The following GAS7 variants were observed in gnomAD, a reference collection of about 807,000 sequenced individuals.
GAS7 encodes the protein growth arrest-specific protein 7.
Under a neutral mutation model 71.1 loss-of-function variants are expected in GAS7, and 28 were observed. The observed-to-expected ratio is 0.39, with a 90% CI of 0.29 to 0.54. The LOEUF (loss-of-function observed/expected upper bound fraction) is 0.54. GAS7 is among the 20% of genes least tolerant of loss of function. The pLI, the probability that GAS7 is intolerant of heterozygous loss-of-function variation, is 0.62. For missense variants in GAS7, 436 were observed against 627.8 expected (o/e 0.69, Z 3.27); for synonymous variants, 258 against 245.8 (o/e 1.05, Z -0.46).
At position 9,915,353 on chromosome 17, in the gene GAS7, C is replaced by A; in HGVS notation, c.*1875G>T. The A allele has an allele frequency of 4.3e-6, 1 of 231,260 alleles. No individual in the cohort carries two copies. The highest frequency in any genetic ancestry group is 8.6e-6 in the Non-Finnish European group (1 of 116,566). The allele number at this position is 231,260 out of a possible 1,614,324, so 14.3% of individuals were successfully genotyped here. A position where few individuals can be genotyped will look rare whatever the true frequency, so the allele number is the denominator to read the frequency against. ...AGCCACAAAGCAATTACCACTAGCACCCATTTTTCATAAAGAAACCAAGAA... is the reference window on the plus strand; with the variant it reads ...AGCCACAAAGCAATTACCACTAGCAACCATTTTTCATAAAGAAACCAAGAA... On this transcript the variant is annotated 3_prime_UTR_variant, in exon 14 of 14. Transcript: ENST00000432992.
At chr17:9,949,346 CT>C (rs1048579645) in intron 5 of GAS7, among the ~76,000 whole-genome samples, 3 of 152,126 alleles carry the variant, frequency 2.0e-5, no homozygotes, top group Non-Finnish European at 2.9e-5. Context: ...TGCAAAGTGT[CT>C]CCATTTTTAA....
intron 1 of GAS7, among the ~76,000 whole-genome samples, chr17:10,044,475 G>A (rs1354231569): frequency 2.0e-5 from 3 of 152,144 alleles, no homozygotes; most frequent in Non-Finnish European, 4.4e-5. Context: ...GCCATACACA[G>A]TCTGAGTGTT....
At chr17:10,197,798 G>C (rs2074551454) in intron 1 of GAS7, among the ~76,000 whole-genome samples, 1 of 152,214 alleles carries the variant, frequency 6.6e-6, no homozygotes, top group African/African-American at 2.4e-5. Flanking sequence ...TGGAGACGCG[G>C]GGCTGCGGGA....
At chr17:10,062,268 T>C (rs1366282251) in intron 1 of GAS7, among the ~76,000 whole-genome samples, 2 of 152,214 alleles carry the variant, frequency 1.3e-5, no homozygotes, top group Non-Finnish European at 2.9e-5. Context: ...GTGGATTACT[T>C]GAGGTCAGGA....
At chr17:9,917,946 G>A in intron 13 of GAS7, 55 bp downstream of exon 13, 1 of 1,274,978 alleles carries the variant, frequency 7.8e-7, no homozygotes, top group South Asian at 1.2e-5. Flanking sequence ...CTAGCGCCAG[G>A]CGGCTCTCCC....
intron 1 of GAS7, among the ~76,000 whole-genome samples, chr17:10,051,534 G>A (rs1207244590): frequency 6.6e-6 from 1 of 152,124 alleles, no homozygotes; most frequent in Non-Finnish European, 1.5e-5. Flanking sequence ...AGTAACTAAA[G>A]CCATTAGACA....
chr17:9,925,589 G>T lies in GAS7; in HGVS notation c.1025C>A (p.Ala342Asp). 6.2e-7 allele frequency: 1 copy of T among 1,614,136 alleles called. No individual in the cohort carries two copies. Among genetic ancestry groups the T allele is most frequent in the Non-Finnish European group, 8.5e-7 (1 of 1,180,016 alleles). ...CAGGTCTCTCTGCCGCTCTGTGAGG[G>T]CTTTCCGGGCCTGGGGTCCAAGGAC... is the stretch of plus-strand genomic sequence containing the variant. Reference protein sequence around the residue: ...RYASVEKARKALTERQRDLEM... With the variant: ...RYASVEKARKDLTERQRDLEM... The change falls in exon 11 of 14, where the codon GCC becomes GAC. Residue 342 changes from alanine (A) to aspartate (D), a missense_variant. Coordinates refer to ENST00000432992, the MANE Select transcript of GAS7 (RefSeq NM_201433.2).
At position 9,913,868 on chromosome 17, in the gene GAS7, C is replaced by T. The variant is rs1026625873; in HGVS notation, c.*3360G>A. 2 of 231,368 alleles carry T rather than the reference C, an allele frequency of 8.6e-6. No individual in the cohort carries two copies. Among genetic ancestry groups the T allele is most frequent in the Non-Finnish European group, 1.7e-5 (2 of 117,014 alleles). 14.3% of individuals were successfully genotyped at this position (231,368 alleles called of 1,614,324 possible). A position where few individuals can be genotyped will look rare whatever the true frequency, so the allele number is the denominator to read the frequency against. On this transcript the variant is annotated 3_prime_UTR_variant, in exon 14 of 14. Transcript: ENST00000432992. ...TCTTTTTAAATCAGGCTTTCACAAA[C>T]AGATCTTGTGCATCAGTCTCCTGGG... is the stretch of plus-strand genomic sequence containing the variant.
intron 1 of GAS7, among the ~76,000 whole-genome samples, chr17:10,169,249 A>T (rs979457918): frequency 2.6e-5 from 4 of 152,116 alleles, no homozygotes; most frequent in Admixed American, 6.5e-5. Flanking sequence ...CTGGGCAACA[A>T]GAGCAAGACT....
intron 1 of GAS7, among the ~76,000 whole-genome samples, chr17:10,101,480 G>C (rs933467953): frequency 1.3e-5 from 2 of 152,210 alleles, no homozygotes; most frequent in Non-Finnish European, 2.9e-5. Context: ...CACTCAAGGG[G>C]AAGGGATTAC....
intron 1 of GAS7, among the ~76,000 whole-genome samples, chr17:10,101,628 A>G (rs1218257603): frequency 6.6e-6 from 1 of 151,814 alleles, no homozygotes; most frequent in Non-Finnish European, 1.5e-5. Flanking sequence ...TGCACCCCAC[A>G]CTCTGTGACT....
chr17:10,043,631 G>A (rs2072904484), intron 1 of GAS7, among the ~76,000 whole-genome samples: 2 of 152,158 alleles, frequency 1.3e-5, no homozygotes, highest in Non-Finnish European at 2.9e-5. Flanking sequence ...AAAATCATAA[G>A]GGGCCGGGCA....
chr17:10,121,774 C>A (rs1041341417), intron 1 of GAS7, among the ~76,000 whole-genome samples: 1 of 152,132 alleles, frequency 6.6e-6, no homozygotes. Flanking sequence ...GCATGCTTCC[C>A]TGTACCCCGT....
At chr17:10,129,934 G>GCAAA (rs2073982896) in intron 1 of GAS7, among the ~76,000 whole-genome samples, 1 of 152,188 alleles carries the variant, frequency 6.6e-6, no homozygotes, top group Non-Finnish European at 1.5e-5. Flanking sequence ...AGCACTTTGG[G>GCAAA]AGGCCAAGGC....
At chr17:10,060,311 C>A (rs1291512665) in intron 1 of GAS7, among the ~76,000 whole-genome samples, 2 of 152,250 alleles carry the variant, frequency 1.3e-5, no homozygotes, top group East Asian at 3.8e-4. Context: ...CCTCTCTGAG[C>A]TTCCAGCTTA....
intron 1 of GAS7, among the ~76,000 whole-genome samples, chr17:10,197,272 T>A (rs567646979): frequency 3.0e-4 from 45 of 152,318 alleles, no homozygotes; most frequent in African/African-American, 1.1e-3. Flanking sequence ...TCAGCCTCCA[T>A]GATTTCTTCC....
intron 1 of GAS7, among the ~76,000 whole-genome samples, chr17:10,181,173 A>G (rs1006134468): frequency 1.0e-4 from 15 of 147,376 alleles, no homozygotes; most frequent in East Asian, 1.9e-4. Context: ...CATCCTGGCT[A>G]ACACAGTGAA....
At chr17:10,114,335 C>T (rs1156596826) in intron 1 of GAS7, 1 of 152,198 alleles carries the variant, frequency 6.6e-6, no homozygotes, top group Non-Finnish European at 1.5e-5. Flanking sequence ...ACAGGCCCCT[C>T]GTTGTGCCCT....
chr17:9,943,186 T>G lies in GAS7; in HGVS notation c.666A>C (p.Leu222=). 2 of 1,613,628 alleles carry G rather than the reference T, an allele frequency of 1.2e-6. No individual in the cohort carries two copies. The highest frequency in any genetic ancestry group is 8.5e-7 in the Non-Finnish European group (1 of 1,179,536). ...TGCCCTTCAGCTGTTTCTGGAGCAG[T>G]AGTTCAAACCCAGCCACGGTGCCGT... is the stretch of plus-strand genomic sequence containing the variant. ...QGNGTVAGFE[L]LLQKQLKGKQ... Residue 222 remains leucine (L), a synonymous_variant, in exon 7 of 14, where the codon CTA becomes CTC. Coordinates refer to ENST00000432992, the MANE Select transcript of GAS7 (RefSeq NM_201433.2).
Sources: allele counts gnomAD v4.1 joint callset (sites outside exome capture counted in the v4.1 genomes callset), GRCh38; gene constraint gnomAD v4.1.1; transcripts MANE v1.5; gene names NCBI Gene and HGNC (gene_info 2026-07-23, HGNC 2026-07-21).